The following FSIP1 variants were observed in gnomAD, a reference collection of about 807,000 sequenced individuals.
The protein encoded by FSIP1 is fibrous sheath-interacting protein 1.
FSIP1 carries 65 observed loss-of-function variants against 60.9 expected under a neutral mutation model. The ratio of observed to expected loss-of-function variants is 1.07; its 90% CI spans 0.87 to 1.31. The LOEUF is 1.31. Ranked by LOEUF, FSIP1 falls within the 40% of genes most tolerant of loss-of-function variation. The pLI is 0.00. For missense variants in FSIP1, 675 were observed against 665.5 expected (o/e 1.01, Z -0.16); for synonymous variants, 209 against 221.2 (o/e 0.94, Z 0.49).
At chr15:39,713,124 T>A (rs1391344444) in intron 10 of FSIP1, among the ~76,000 whole-genome samples, 1 of 152,192 alleles carries the variant, frequency 6.6e-6, no homozygotes, top group African/African-American at 2.4e-5. Flanking sequence ...AAGAATAATA[T>A]CAAAGTCCTA....
chr15:39,707,945 C>T (rs1895344606), intron 10 of FSIP1, among the ~76,000 whole-genome samples: 1 of 152,140 alleles, frequency 6.6e-6, no homozygotes, highest in African/African-American at 2.4e-5. Context: ...AGCGCCCCAA[C>T]CAACAGAAAA....
At chr15:39,703,675 C>T (rs1895153052) in intron 10 of FSIP1, among the ~76,000 whole-genome samples, 1 of 152,152 alleles carries the variant, frequency 6.6e-6, no homozygotes, top group Non-Finnish European at 1.5e-5. Flanking sequence ...TAGCAAACCA[C>T]CATGGCACAT....
At chr15:39,764,970 G>A (rs1897630330) in intron 4 of FSIP1, among the ~76,000 whole-genome samples, 1 of 152,158 alleles carries the variant, frequency 6.6e-6, no homozygotes, top group Non-Finnish European at 1.5e-5. Context: ...AGAGATGGAG[G>A]GGCCCAGCAC....
At chr15:39,703,985 C>A (rs1169076914) in intron 10 of FSIP1, among the ~76,000 whole-genome samples, 1 of 152,148 alleles carries the variant, frequency 6.6e-6, no homozygotes, top group Non-Finnish European at 1.5e-5. Flanking sequence ...AAGGTTTCTG[C>A]ATTAAATGAT....
chr15:39,733,509 T>A (rs1230134796), intron 8 of FSIP1, among the ~76,000 whole-genome samples: 3 of 152,210 alleles, frequency 2.0e-5, no homozygotes. Context: ...AGAGGTCCTA[T>A]AGCCACCTGT....
chr15:39,731,125 A>T (rs1384516754), intron 8 of FSIP1, among the ~76,000 whole-genome samples: 1 of 152,198 alleles, frequency 6.6e-6, no homozygotes, highest in Non-Finnish European at 1.5e-5. Flanking sequence ...ATATCAATAT[A>T]AGGATTATGA....
At chr15:39,757,996 C>G (rs1250150931) in intron 5 of FSIP1, among the ~76,000 whole-genome samples, 1 of 152,110 alleles carries the variant, frequency 6.6e-6, no homozygotes, top group Non-Finnish European at 1.5e-5. Flanking sequence ...CAATGATTCT[C>G]TCTTAACATA....
At chr15:39,782,089 G>A (rs779116315) in intron 1 of FSIP1, among the ~76,000 whole-genome samples, 9 of 152,104 alleles carry the variant, frequency 5.9e-5, no homozygotes, top group Non-Finnish European at 8.8e-5. Flanking sequence ...TTGGTAGTTC[G>A]CCAAATTGTA....
At chr15:39,634,043 G>A (rs1204750879) in intron 10 of FSIP1, among the ~76,000 whole-genome samples, 1 of 152,056 alleles carries the variant, frequency 6.6e-6, no homozygotes, top group Non-Finnish European at 1.5e-5. Flanking sequence ...TCACTAAACG[G>A]ACTCCCTGTG....
chr15:39,718,147 T>C (rs1895815123), intron 9 of FSIP1, among the ~76,000 whole-genome samples: 1 of 152,070 alleles, frequency 6.6e-6, no homozygotes, highest in Admixed American at 6.5e-5. Context: ...CTTCATATAA[T>C]TATCTTCGAA....
intron 1 of FSIP1, 29 bp from the exon 2 acceptor site, chr15:39,776,560 C>T: frequency 6.7e-7 from 1 of 1,503,728 alleles, no homozygotes; most frequent in Non-Finnish European, 9.1e-7. Context: ...TATTTAATAC[C>T]AAGCGACTCG....
intron 8 of FSIP1, among the ~76,000 whole-genome samples, 167 bp from the exon 9 acceptor site, chr15:39,726,914 A>C (rs1323431864): frequency 3.9e-5 from 6 of 152,128 alleles, no homozygotes; most frequent in Non-Finnish European, 8.8e-5. Context: ...GTAAAAGAAT[A>C]ATATGAAATA....
At chr15:39,686,322 AC>A (rs1212839428) in intron 10 of FSIP1, among the ~76,000 whole-genome samples, 1 of 152,138 alleles carries the variant, frequency 6.6e-6, no homozygotes, top group Non-Finnish European at 1.5e-5. Flanking sequence ...CAGGTGCCTC[AC>A]TTTAACAAAA....
intron 5 of FSIP1, among the ~76,000 whole-genome samples, chr15:39,758,842 A>G (rs1897388295): frequency 6.6e-6 from 1 of 152,166 alleles, no homozygotes; most frequent in Admixed American, 6.5e-5. Flanking sequence ...CAGCACAGAC[A>G]GAAATTTTAA....
chr15:39,721,458 G>A (rs992416013), intron 9 of FSIP1, among the ~76,000 whole-genome samples: 1 of 152,178 alleles, frequency 6.6e-6, no homozygotes, highest in Non-Finnish European at 1.5e-5. Flanking sequence ...ATCTGGTGGT[G>A]GTTCTTGTTT....
chr15:39,779,771 T>G (rs1401236618), intron 1 of FSIP1, among the ~76,000 whole-genome samples: 2 of 152,238 alleles, frequency 1.3e-5, no homozygotes, highest in Non-Finnish European at 2.9e-5. Flanking sequence ...CATAGAGGCT[T>G]CTGAGAAATG....
chr15:39,666,539 ATAAAG>A (rs1042069636), intron 10 of FSIP1, among the ~76,000 whole-genome samples: 4 of 152,242 alleles, frequency 2.6e-5, no homozygotes, highest in East Asian at 3.8e-4. Flanking sequence ...GGAAAGCTTC[ATAAAG>A]TAAATAGTTT....
chr15:39,642,819 T>C (rs977474291), intron 10 of FSIP1, among the ~76,000 whole-genome samples: 2 of 152,220 alleles, frequency 1.3e-5, no homozygotes, highest in African/African-American at 2.4e-5. Context: ...TATAAGTTGA[T>C]TCCTATGGCA....
intron 10 of FSIP1, among the ~76,000 whole-genome samples, chr15:39,658,178 T>C (rs1893145227): frequency 6.6e-6 from 1 of 151,902 alleles, no homozygotes; most frequent in Non-Finnish European, 1.5e-5. Flanking sequence ...GGCAACTAAA[T>C]ATGAATAATC....
Sources: allele counts gnomAD v4.1 joint callset (sites outside exome capture counted in the v4.1 genomes callset), GRCh38; gene constraint gnomAD v4.1.1; transcripts MANE v1.5; gene names NCBI Gene and HGNC (gene_info 2026-07-23, HGNC 2026-07-21).